The following CARNS1 variants were observed in gnomAD, a reference collection of about 807,000 sequenced individuals.
CARNS1 encodes the protein ATP-grasp domain containing 1.
CARNS1 carries 61 observed loss-of-function variants against 74.0 expected under a neutral mutation model. That is an observed-to-expected ratio of 0.82 (90% CI 0.67 to 1.02). The LOEUF (loss-of-function observed/expected upper bound fraction) is 1.02. Ranked by LOEUF, CARNS1 falls within the 50% of genes least tolerant of loss-of-function variation. The probability of loss-of-function intolerance (pLI) is 0.00; values close to 1 mark genes in which losing one functional copy is unlikely to be tolerated. For missense variants in CARNS1, 1,278 were observed against 1,308.4 expected (o/e 0.98, Z 0.36); for synonymous variants, 568 against 605.5 (o/e 0.94, Z 0.91).
Position 67,424,278 on chromosome 11 carries a change from G to A in CARNS1, c.2530G>A (p.Gly844Ser), listed in dbSNP as rs764293590. 17 of 1,612,982 alleles carry A rather than the reference G, an allele frequency of 1.1e-5. No individual in the cohort carries two copies. The highest frequency in any genetic ancestry group is 1.4e-5 in the Non-Finnish European group (17 of 1,179,832). The change falls in exon 10 of 10, where the codon GGC (glycine) becomes AGC (serine). Residue 844 changes from glycine (G) to serine (S), a missense_variant. This residue lies in a region of CARNS1 where 1,164 missense variants were observed against 1,156.5 expected (regional missense o/e 1.01). Transcript: ENST00000687366. ...GCTGGCTGCTGTTATGGTGGCCTGT[G>A]GCTTGCGTCCTGCCCTGCCCACCCG... ...LLLAAVMVAC[G>S]LRPALPTRPR...
intron 2 of CARNS1, chr11:67,416,751 G>A (rs1350264219): frequency 3.0e-6 from 3 of 986,120 alleles, no homozygotes; most frequent in South Asian, 4.7e-5. Flanking sequence ...CCCCATATTG[G>A]GGGGGCGCCA....
chr11:67,417,057 T>G, intron 2 of CARNS1: 1 of 1,048,864 alleles, frequency 9.5e-7, no homozygotes. Context: ...CAGGCACGCT[T>G]TAGGTGCTGG....
intron 2 of CARNS1, chr11:67,416,964 T>C: frequency 4.0e-6 from 4 of 990,452 alleles, no homozygotes; most frequent in Non-Finnish European, 4.8e-6. Flanking sequence ...GAGACAGAAA[T>C]AAGCCACCTC....
Position 67,418,450 on chromosome 11 carries a change from G to T in CARNS1, c.294G>T (p.Val98=). The T allele has an allele frequency of 6.8e-7, 1 of 1,462,288 alleles. No individual in the cohort carries two copies. The highest frequency in any genetic ancestry group is 9.0e-7 in the Non-Finnish European group (1 of 1,110,648). The allele number at this position is 1,462,288 out of a possible 1,614,324, so 90.6% of individuals were successfully genotyped here. A position where few individuals can be genotyped will look rare whatever the true frequency, so the allele number is the denominator to read the frequency against. Residue 98 remains valine (V), a synonymous_variant, in exon 4 of 10, where the codon GTG becomes GTT. Coordinates refer to ENST00000687366, the MANE Select transcript of CARNS1 (RefSeq NM_001166222.2). ...VPRTGCPGAE[V]TLCVLGSPST... is the part of the protein sequence containing the mutation. ...CCCGAGGCTGTCCTGGGGCGGAGGT[G>T]ACCTTGTGCGTTCTGGGCTCCCCCA...
In CARNS1 at chr11:67,415,688, T is replaced by C. The variant is rs1863525751; in HGVS notation, c.-100T>C. The C allele has an allele frequency of 6.5e-6, 1 of 153,346 alleles. No homozygotes were observed. Among genetic ancestry groups the C allele is most frequent in the South Asian group, 1.8e-4 (1 of 5,674 alleles). 9.5% of individuals were successfully genotyped at this position (153,346 alleles called of 1,614,324 possible). On this transcript the variant is annotated 5_prime_UTR_variant, in exon 1 of 10. Coordinates refer to ENST00000687366, the MANE Select transcript of CARNS1 (RefSeq NM_001166222.2). ...CCGCTTGGGCCGGGCGCTGTGCCAC[T>C]GCCACCGCCGCCGCCGCTGCATCCC...
At position 67,417,895 on chromosome 11, in the gene CARNS1, C is replaced by G. The variant is rs78192462; in HGVS notation, c.274+218C>G. On this transcript the variant is annotated intron_variant, in intron 3 of 9. Coordinates refer to ENST00000687366, the MANE Select transcript of CARNS1 (RefSeq NM_001166222.2). The stretch of plus-strand genomic sequence containing the variant: ...CAAGGATTGGGCTCCCTGCCCTCAC[C>G]CCCTCCCCAAAAAGACCCAGCCCTG... Among the ~76,000 whole-genome samples the G allele has an allele frequency of 1.5e-4, 23 of 152,276 alleles. 1 individual carries two copies. In the East Asian group the frequency reaches 4.4e-3, roughly 29 times the overall value.
In CARNS1 at chr11:67,417,581, C is replaced by G. The variant is rs376861093; in HGVS notation, c.178C>G (p.Arg60Gly). 1.4e-5 allele frequency: 19 copies of G among 1,355,242 alleles called. No individual in the cohort carries two copies. The African/African-American group carries it at 2.6e-4, about 18-fold the overall frequency. The allele number at this position is 1,355,242 out of a possible 1,614,324, so 84.0% of individuals were successfully genotyped here. Residue 60 changes from arginine to glycine, a missense_variant, in exon 3 of 10, where the codon CGG becomes GGG. Physicochemically the swap from Arg to Gly is moderately radical, Grantham distance 125. This residue lies in a region of CARNS1 where 104 missense variants were observed against 127.3 expected (regional missense o/e 0.82). Coordinates refer to ENST00000687366, the MANE Select transcript of CARNS1 (RefSeq NM_001166222.2). ...CKGSPEGAEA[R>G]AWTVYYYSLL... ...GGGATCCCCCGAGGGGGCCGAGGCC[C>G]GGGCTTGGACTGTCTACTACTACAG...
Position 67,423,589 on chromosome 11 carries a change from C to A in CARNS1, c.1841C>A (p.Pro614His). 1 of 1,610,194 alleles carries A rather than the reference C, an allele frequency of 6.2e-7. No individual in the cohort carries two copies. Among genetic ancestry groups the A allele is most frequent in the Non-Finnish European group, 8.5e-7 (1 of 1,178,434 alleles). The change falls in exon 10 of 10, where the codon CCC becomes CAC. Residue 614 changes from proline (P) to histidine (H), a missense_variant. By Grantham distance (77) the Pro-to-His change is moderately conservative. Around this residue, in one of 3 missense-constraint regions of CARNS1, gnomAD observed 1,164 missense variants for 1,156.5 expected, o/e 1.01. Transcript: ENST00000687366. The surrounding 1 kb of genome is among the most constrained non-coding windows in gnomAD (Gnocchi z 5.1). ...CTGCTCTGCCAGGAGCTAGGTCTGC[C>A]CTGCAGCTCCCCAGCTGCCATGCGC... Reference protein sequence around the residue: ...TALLCQELGLPCSSPAAMRLA... With the variant: ...TALLCQELGLHCSSPAAMRLA...
In CARNS1 at chr11:67,419,773, GGCCT is replaced by G; in HGVS notation, c.1050_1053del (p.Leu351ProfsTer18). On this transcript the variant is annotated frameshift_variant, in exon 7 of 10. Coordinates refer to ENST00000687366, the MANE Select transcript of CARNS1 (RefSeq NM_001166222.2). LOFTEE classifies it high-confidence loss of function. ...CCCAGATGGTCCTTCACCCGGCCCC[GGCCT>G]GGCCGTGCGAATCTGTGCTGTGGTG... 1 of 1,604,812 alleles carries G rather than the reference GGCCT, an allele frequency of 6.2e-7. No individual in the cohort carries two copies. Among genetic ancestry groups the G allele is most frequent in the Non-Finnish European group, 8.5e-7 (1 of 1,176,120 alleles).
chr11:67,425,584 A>G lies in CARNS1; in HGVS notation c.*983A>G, dbSNP rs1454829233. ...GCAGCTCCCCAGGCATCCCTCCCCA[A>G]ATAAAGGCTTATGTACTGGTGAAGT... On this transcript the variant is annotated 3_prime_UTR_variant, in exon 10 of 10. Transcript: ENST00000687366. 1.2e-5 allele frequency: 2 copies of G among 165,710 alleles called. No homozygotes were observed. The highest frequency in any genetic ancestry group is 1.6e-4 in the East Asian group (1 of 6,110). 10.3% of individuals were successfully genotyped at this position (165,710 alleles called of 1,614,324 possible). A position where few individuals can be genotyped will look rare whatever the true frequency, so the allele number is the denominator to read the frequency against.
At chr11:67,421,733 T>C (rs951211054) in intron 9 of CARNS1, among the ~76,000 whole-genome samples, 1 of 152,080 alleles carries the variant, frequency 6.6e-6, no homozygotes, top group Non-Finnish European at 1.5e-5. Flanking sequence ...CTTGTTTTTG[T>C]TTTTTCTTTT....
At position 67,423,600 on chromosome 11, in the gene CARNS1, C is replaced by G; in HGVS notation, c.1852C>G (p.Pro618Ala). Residue 618 changes from proline to alanine, a missense_variant, in exon 10 of 10, where the codon CCA becomes GCA. Physicochemically the swap from Pro to Ala is conservative, Grantham distance 27. Transcript: ENST00000687366. This position sits in a 1 kb window ranked among gnomAD's most constrained non-coding sequence, Gnocchi z 5.1. ...GGAGCTAGGTCTGCCCTGCAGCTCC[C>G]CAGCTGCCATGCGCCTGGCTAAGCA... Reference protein sequence around the residue: ...CQELGLPCSSPAAMRLAKQKS... With the variant: ...CQELGLPCSSAAAMRLAKQKS... 12 of 1,610,290 alleles carry G rather than the reference C, an allele frequency of 7.5e-6. No individual in the cohort carries two copies. The highest frequency in any genetic ancestry group is 1.0e-5 in the Non-Finnish European group (12 of 1,178,576).
At chr11:67,419,985 T>G (rs1705885478) in intron 7 of CARNS1, 147 bp downstream of exon 7, 1 of 768,304 alleles carries the variant, frequency 1.3e-6, no homozygotes, top group Non-Finnish European at 2.1e-6. Context: ...GGGAAACTAC[T>G]GGGTCTGACC....
chr11:67,416,512 G>A lies in CARNS1; in HGVS notation c.3+310G>A, dbSNP rs1790734. The A allele has an allele frequency of 9.7e-3, 11,881 of 1,227,942 alleles. 882 individuals carry two copies. In the African/African-American group the frequency reaches 0.16, roughly 17 times the overall value. The allele number at this position is 1,227,942 out of a possible 1,614,324, so 76.1% of individuals were successfully genotyped here. On this transcript the variant is annotated intron_variant, in intron 2 of 9. Transcript: ENST00000687366. ...ATGAGGCCCAGTCCTCTGCCGTCTG[G>A]GCCACAGCACACCATCTCCCAACAA...
rs1204327354 is a variant in CARNS1 at position 67,425,394 on chromosome 11, C to T, written c.*793C>T. ...CTCATTCACAAGTGGCCCTGAGACA[C>T]GTGAACACCTCCCTCCTATGCATCA... On this transcript the variant is annotated 3_prime_UTR_variant, in exon 10 of 10. Coordinates refer to ENST00000687366, the MANE Select transcript of CARNS1 (RefSeq NM_001166222.2). 1.8e-5 allele frequency: 5 copies of T among 276,352 alleles called. No homozygotes were observed. In the East Asian group the frequency reaches 2.5e-4, roughly 14 times the overall value. 17.1% of individuals were successfully genotyped at this position (276,352 alleles called of 1,614,324 possible).
rs1231075868 is a variant in CARNS1 at position 67,424,375 on chromosome 11, C to T, written c.2627C>T (p.Thr876Ile). Residue 876 changes from threonine to isoleucine, a missense_variant, in exon 10 of 10, where the codon ACC (threonine) becomes ATC (isoleucine). Transcript: ENST00000687366. The stretch of plus-strand genomic sequence containing the variant: ...CAGCACCTGCAGGCCCTGAGTTCCA[C>T]CGCCAGCCGTGAGACCCTGCAGGCC... ...VSQHLQALSS[T>I]ASRETLQALH... 5.6e-6 allele frequency: 9 copies of T among 1,596,814 alleles called. No individual in the cohort carries two copies. The African/African-American group carries it at 9.4e-5, about 17-fold the overall frequency.
At position 67,418,817 on chromosome 11, in the gene CARNS1, G is replaced by A. The variant is rs746154102; in HGVS notation, c.426G>A (p.Pro142=). The A allele has an allele frequency of 1.7e-5, 27 of 1,600,354 alleles. No homozygotes were observed. Among genetic ancestry groups the A allele is most frequent in the East Asian group, 2.3e-5 (1 of 44,132 alleles). ...TGAAGGTGCCAGCACCCGGGCAGCCGGGTGAGGCAGCCCTGCTAGTCTCCA... is the reference window on the plus strand; with the variant it reads ...TGAAGGTGCCAGCACCCGGGCAGCCAGGTGAGGCAGCCCTGCTAGTCTCCA... ...WLMKVPAPGQ[P]GEAALLVSKA... Residue 142 remains proline (P), a synonymous_variant, in exon 5 of 10, where the codon CCG becomes CCA. Transcript: ENST00000687366.
Position 67,419,537 on chromosome 11 carries a change from T to A in CARNS1, c.903T>A (p.Arg301=). 6.2e-7 allele frequency: 1 copy of A among 1,609,080 alleles called. No individual in the cohort carries two copies. The highest frequency in any genetic ancestry group is 8.5e-7 in the Non-Finnish European group (1 of 1,179,012). Residue 301 remains arginine (R), a synonymous_variant, in exon 6 of 10, where the codon CGT becomes CGA. Coordinates refer to ENST00000687366, the MANE Select transcript of CARNS1 (RefSeq NM_001166222.2). ...GWRWRGRQAW[R]LHPRAELGAV... is the part of the protein sequence containing the mutation. ...GCTGGCGGGGGCGGCAGGCATGGCG[T>A]CTGCACCCGCGGGCAGAGCTGGGTG...
chr11:67,419,563 C>A lies in CARNS1; in HGVS notation c.929C>A (p.Ala310Glu). The stretch of plus-strand genomic sequence containing the variant: ...CTGCACCCGCGGGCAGAGCTGGGTG[C>A]AGTGGTGGACACAGTGCTGGCGCTG... ...WRLHPRAELG[A>E]VVDTVLALLE... Residue 310 changes from alanine to glutamate, a missense_variant, in exon 6 of 10, where the codon GCA (alanine) becomes GAA (glutamate). Ala to Glu is a moderately radical substitution (Grantham distance 107). This residue lies in a region of CARNS1 where 1,164 missense variants were observed against 1,156.5 expected (regional missense o/e 1.01). Transcript: ENST00000687366. The A allele has an allele frequency of 6.2e-7, 1 of 1,606,868 alleles. No homozygotes were observed. The highest frequency in any genetic ancestry group is 8.5e-7 in the Non-Finnish European group (1 of 1,178,368).
Sources: gnomAD v4.1 joint callset for allele counts (sites outside exome capture counted in the v4.1 genomes callset) on GRCh38, gnomAD v4.1.1 for gene constraint, gnomAD v4.1.1 regional missense constraint, Gnocchi (gnomAD v3.1) non-coding constraint, MANE v1.5 for transcripts, NCBI Gene and HGNC (gene_info 2026-07-23, HGNC 2026-07-21) for gene names.